Variants in CACNB2 observed in about 807,000 individuals in gnomAD.
The protein encoded by CACNB2 is calcium voltage-gated channel auxiliary subunit beta 2.
In CACNB2, 42 loss-of-function variants were observed where a neutral mutation model predicts 73.3. The ratio of observed to expected loss-of-function variants is 0.57; its 90% CI spans 0.45 to 0.74. The LOEUF is 0.74. Ranked by LOEUF, CACNB2 falls within the 30% of genes least tolerant of loss-of-function variation. The pLI, the probability that CACNB2 is intolerant of heterozygous loss-of-function variation, is 0.00. For missense variants in CACNB2, 940 were observed against 853.0 expected, an observed-to-expected ratio of 1.10 and a Z score of -1.27; for synonymous variants, 348 against 310.3, an observed-to-expected ratio of 1.12 and a Z score of -1.28.
chr10:18,149,049 T>C (rs2031269418), intron 1 of CACNB2, among the ~76,000 whole-genome samples: 1 of 151,850 alleles, frequency 6.6e-6, no homozygotes, highest in African/African-American at 2.4e-5. Flanking sequence ...TTGTCTTTGT[T>C]CTCAAAGATA....
chr10:18,287,970 T>C (rs2038876434), intron 2 of CACNB2, among the ~76,000 whole-genome samples: 1 of 152,358 alleles, frequency 6.6e-6, no homozygotes, highest in South Asian at 2.1e-4. Context: ...GTCCTGGCAA[T>C]GCTCAGCTCC....
At chr10:18,471,536 A>G (rs2048188094) in intron 3 of CACNB2, among the ~76,000 whole-genome samples, 2 of 152,142 alleles carry the variant, frequency 1.3e-5, no homozygotes, top group South Asian at 2.1e-4. Context: ...TTTTTGTGAA[A>G]CTGCCCATGG....
At chr10:18,178,999 A>G (rs1007724510) in intron 2 of CACNB2, among the ~76,000 whole-genome samples, 2 of 152,212 alleles carry the variant, frequency 1.3e-5, no homozygotes, top group Non-Finnish European at 2.9e-5. Flanking sequence ...TTAAAGAGGC[A>G]GAAACCTTCC....
chr10:18,207,955 A>G (rs549760899), intron 2 of CACNB2, among the ~76,000 whole-genome samples: 2 of 152,362 alleles, frequency 1.3e-5, no homozygotes, highest in South Asian at 2.1e-4. Flanking sequence ...AATTCTGCAT[A>G]GTAGAAGTTG....
intron 2 of CACNB2, among the ~76,000 whole-genome samples, chr10:18,251,326 C>A (rs1189184177): frequency 2.0e-5 from 3 of 151,932 alleles, no homozygotes; most frequent in Non-Finnish European, 4.4e-5. Context: ...CTCACTGCAA[C>A]CTCCACCTCC....
At chr10:18,390,628 T>C (rs570536835) in intron 2 of CACNB2, among the ~76,000 whole-genome samples, 58 of 151,304 alleles carry the variant, frequency 3.8e-4, no homozygotes, top group East Asian at 5.9e-4. Flanking sequence ...TGAAGAAATA[T>C]CTTCTCCCTG....
intron 3 of CACNB2, among the ~76,000 whole-genome samples, chr10:18,465,821 A>G (rs2047851680): frequency 6.6e-6 from 1 of 151,826 alleles, no homozygotes; most frequent in African/African-American, 2.4e-5. Context: ...AGCTGGGATT[A>G]CAGCATCCAC....
chr10:18,290,661 A>G (rs922507182), intron 2 of CACNB2, among the ~76,000 whole-genome samples: 1 of 152,236 alleles, frequency 6.6e-6, no homozygotes, highest in Non-Finnish European at 1.5e-5. Flanking sequence ...CTGGTGGCCA[A>G]ATGTTTTCTT....
chr10:18,465,095 C>T (rs1454401365), intron 3 of CACNB2, among the ~76,000 whole-genome samples: 10 of 152,130 alleles, frequency 6.6e-5, no homozygotes, highest in African/African-American at 1.4e-4. Context: ...TTTGGGAGGC[C>T]GAGGCAGGCA....
intron 3 of CACNB2, among the ~76,000 whole-genome samples, chr10:18,490,351 T>C (rs1021686801): frequency 1.3e-5 from 2 of 152,238 alleles, no homozygotes; most frequent in African/African-American, 2.4e-5. Context: ...CCAGTCGCCC[T>C]CATGCTATGT....
At position 18,539,414 on chromosome 10, in the gene CACNB2, A is replaced by C; in HGVS notation, c.1673A>C (p.Glu558Ala). The change falls in exon 14 of 14, where the codon GAA (glutamate) becomes GCA (alanine). Residue 558 changes from glutamate to alanine, a missense_variant. By Grantham distance (107) the Glu-to-Ala change is moderately radical (BLOSUM62 -1). Transcript: ENST00000324631. ...TCCAGGCAAGAGACATTTGACTCGG[A>C]AACCCAGGAGAGTCGAGACTCTGCC... The part of the protein sequence containing the change: ...GLSRQETFDS[E>A]TQESRDSAYV... 1 of 1,614,108 alleles carries C rather than the reference A, an allele frequency of 6.2e-7. No individual in the cohort carries two copies. The highest frequency in any genetic ancestry group is 8.5e-7 in the Non-Finnish European group (1 of 1,180,010).
At chr10:18,434,791 A>G (rs1238852484) in intron 3 of CACNB2, among the ~76,000 whole-genome samples, 1 of 152,202 alleles carries the variant, frequency 6.6e-6, no homozygotes, top group African/African-American at 2.4e-5. Context: ...AACAGAAAAA[A>G]ATAAATTACA....
chr10:18,518,657 C>A (rs1235049585), intron 8 of CACNB2, among the ~76,000 whole-genome samples: 3 of 152,164 alleles, frequency 2.0e-5, no homozygotes, highest in Admixed American at 6.5e-5. Flanking sequence ...GTACTCAGTC[C>A]AGGAAATAGT....
chr10:18,265,796 C>T lies in CACNB2; in HGVS notation c.213+114821C>T, dbSNP rs143607281. Among the ~76,000 whole-genome samples, 587 of 152,216 alleles carry T rather than the reference C, an allele frequency of 3.9e-3. 10 individuals are homozygous for T. The highest frequency in any genetic ancestry group is 0.013 in the African/African-American group (560 of 41,546). On this transcript the variant is annotated intron_variant, in intron 2 of 13. Transcript: ENST00000324631. ...GTGTGCACTTACTTCTGGCCTGATA[C>T]GTAGTTGTTTTTGAAAAATGAGTAG...
intron 3 of CACNB2, among the ~76,000 whole-genome samples, chr10:18,429,357 C>T (rs80321564): frequency 0.013 from 1,927 of 152,166 alleles, 45 homozygotes; most frequent in African/African-American, 0.044. Context: ...GTGATCCATC[C>T]AGGTACTGGT....
chr10:18,318,588 G>A (rs566214858), intron 2 of CACNB2, among the ~76,000 whole-genome samples: 21 of 152,094 alleles, frequency 1.4e-4, no homozygotes, highest in Non-Finnish European at 2.8e-4. Flanking sequence ...TAGAACAAAA[G>A]CCAAAACTGA....
chr10:18,470,613 G>A (rs2048135230), intron 3 of CACNB2, among the ~76,000 whole-genome samples: 1 of 151,902 alleles, frequency 6.6e-6, no homozygotes, highest in African/African-American at 2.4e-5. Context: ...TGCATTGCAT[G>A]GAGCCTTTGC....
chr10:18,184,557 T>C (rs1350526344), intron 2 of CACNB2, among the ~76,000 whole-genome samples: 1 of 152,008 alleles, frequency 6.6e-6, no homozygotes, highest in African/African-American at 2.4e-5. Flanking sequence ...TAAGTTACTT[T>C]TACTGTTCCA....
chr10:18,446,624 A>T (rs1485329171), intron 3 of CACNB2, among the ~76,000 whole-genome samples: 2 of 152,186 alleles, frequency 1.3e-5, no homozygotes, highest in Non-Finnish European at 2.9e-5. Context: ...TGTTACTGAG[A>T]CTTTGCTCAA....
Sources: allele counts gnomAD v4.1 joint callset (sites outside exome capture counted in the v4.1 genomes callset), GRCh38; gene constraint gnomAD v4.1.1; transcripts MANE v1.5; gene names NCBI Gene and HGNC (gene_info 2026-07-23, HGNC 2026-07-21).